The following MEAK7 variants were observed in gnomAD, a reference collection of about 807,000 sequenced individuals.
The protein encoded by MEAK7 is MTOR-associated protein MEAK7.
In MEAK7, 68 loss-of-function variants were observed where a neutral mutation model predicts 40.5. That is an observed-to-expected ratio of 1.68 (90% CI 1.38 to 2.06). MEAK7 has a LOEUF of 2.06. MEAK7 is among the 30% of genes most tolerant of loss of function. The pLI, the probability that MEAK7 is intolerant of heterozygous loss-of-function variation, is 0.00. For missense variants in MEAK7, 918 were observed against 580.5 expected (o/e 1.58, Z -5.98); for synonymous variants, 338 against 231.9 (o/e 1.46, Z -4.16).
intron 3 of MEAK7, among the ~76,000 whole-genome samples, chr16:84,489,871 A>G (rs1477209936): frequency 2.0e-5 from 3 of 152,176 alleles, no homozygotes; most frequent in African/African-American, 7.2e-5. Context: ...GAGGGCAAGC[A>G]ACTGCTTTCT....
At chr16:84,497,756 G>C (rs926831584) in intron 2 of MEAK7, 178 bp downstream of exon 2, 2 of 1,309,766 alleles carry the variant, frequency 1.5e-6, no homozygotes, top group East Asian at 5.0e-5. Flanking sequence ...AGCTACAACA[G>C]AGACCGCATA....
chr16:84,495,529 C>CT, intron 3 of MEAK7, 154 bp downstream of exon 3: 1 of 706,742 alleles, frequency 1.4e-6, no homozygotes, highest in Non-Finnish European at 2.4e-6. Context: ...CAGACATGCC[C>CT]TTAACCTTGG....
At chr16:84,498,144 T>C (rs1232280176) in intron 1 of MEAK7, 33 bp from the exon 2 acceptor site, 1 of 1,529,484 alleles carries the variant, frequency 6.5e-7, no homozygotes, top group East Asian at 2.3e-5. Context: ...ATTAGAAAAA[T>C]CAAAATTTAA....
rs541981214 is a variant in MEAK7 at position 84,479,368 on chromosome 16, G to C, written c.*545C>G. ...AGCGGGAGGAACCCCCTCCTCAATA[G>C]AGAAGTTGAGATCCCAGCAATGCTA... On this transcript the variant is annotated 3_prime_UTR_variant, in exon 8 of 8. Transcript: ENST00000343629. The C allele has an allele frequency of 2.6e-5, 4 of 152,214 alleles. No individual in the cohort carries two copies. The highest frequency in any genetic ancestry group is 7.2e-5 in the African/African-American group (3 of 41,434). The allele number at this position is 152,214 out of a possible 1,614,324, so 9.4% of individuals were successfully genotyped here. A position where few individuals can be genotyped will look rare whatever the true frequency, so the allele number is the denominator to read the frequency against.
At chr16:84,502,703 T>C (rs1207127159) in intron 1 of MEAK7, 3 of 152,208 alleles carry the variant, frequency 2.0e-5, no homozygotes, top group Non-Finnish European at 4.4e-5. Flanking sequence ...AGACTTCGTC[T>C]CTGCCAAAAA....
chr16:84,485,412 G>C (rs745957066), intron 5 of MEAK7, among the ~76,000 whole-genome samples: 37 of 152,200 alleles, frequency 2.4e-4, no homozygotes, highest in Non-Finnish European at 4.3e-4. Flanking sequence ...ATGCCACCTA[G>C]CCTCTGCTGA....
chr16:84,482,107 C>G (rs1001261596), intron 6 of MEAK7, among the ~76,000 whole-genome samples: 1 of 152,120 alleles, frequency 6.6e-6, no homozygotes. Flanking sequence ...GCCTCCCCCG[C>G]TTCCCCCTGC....
chr16:84,497,343 G>A, intron 2 of MEAK7: 2 of 1,160,426 alleles, frequency 1.7e-6, no homozygotes, highest in African/African-American at 1.6e-5. Context: ...TTAACTCCCT[G>A]CAAGATGAGC....
At chr16:84,484,074 T>G (rs1037447508) in intron 5 of MEAK7, among the ~76,000 whole-genome samples, 10 of 152,272 alleles carry the variant, frequency 6.6e-5, no homozygotes, top group African/African-American at 2.4e-4. Flanking sequence ...GGACTTCAGG[T>G]AAGCGGCCCT....
intron 5 of MEAK7, among the ~76,000 whole-genome samples, chr16:84,484,663 C>T (rs1391581215): frequency 6.6e-6 from 1 of 152,224 alleles, no homozygotes; most frequent in African/African-American, 2.4e-5. Flanking sequence ...TGGCCACCCT[C>T]CCCAGCATTT....
rs3743667 is a variant in MEAK7 at position 84,486,686 on chromosome 16, C to T, written c.903G>A (p.Lys301=). ...AAGAGGCAAACCCACCGAACACATGCTTGTCATGGTCCTCGAGGACAGCCA... is the reference window on the plus strand; with the variant it reads ...AAGAGGCAAACCCACCGAACACATGTTTGTCATGGTCCTCGAGGACAGCCA... ...PCVAVLEDHD[K]HVFGGFASCS... is the part of the protein sequence containing the mutation. Residue 301 remains lysine, a synonymous_variant, in exon 5 of 8, where the codon AAG becomes AAA. Transcript: ENST00000343629. The T allele has an allele frequency of 0.062, 99,613 of 1,613,914 alleles. 6,752 individuals are homozygous for T. The highest frequency in any genetic ancestry group is 0.35 in the East Asian group (15,824 of 44,858).
chr16:84,497,848 A>C lies in MEAK7; in HGVS notation c.153+86T>G, dbSNP rs975381073. 52 of 1,579,590 alleles carry C rather than the reference A, an allele frequency of 3.3e-5. No individual in the cohort carries two copies. The African/African-American group carries it at 6.1e-4, about 19-fold the overall frequency. ...GTGTTGCCATCCATCCCATTACAAA[A>C]ACACGAAAGCAGATTCTGGCCTGAA... On this transcript the variant is annotated intron_variant, in intron 2 of 7. Transcript: ENST00000343629.
At chr16:84,502,044 T>A (rs1390918874) in intron 1 of MEAK7, among the ~76,000 whole-genome samples, 1 of 152,156 alleles carries the variant, frequency 6.6e-6, no homozygotes, top group East Asian at 1.9e-4. Context: ...CTTGAGAGGC[T>A]GAGGCAGGAG....
chr16:84,491,621 G>T (rs1274237680), intron 3 of MEAK7, among the ~76,000 whole-genome samples: 1 of 150,524 alleles, frequency 6.6e-6, no homozygotes, highest in South Asian at 2.1e-4. Context: ...GGTGGATCAC[G>T]AGGTCAGGAG....
chr16:84,494,326 G>T (rs1030001235), intron 3 of MEAK7, among the ~76,000 whole-genome samples: 1 of 152,146 alleles, frequency 6.6e-6, no homozygotes, highest in Non-Finnish European at 1.5e-5. Flanking sequence ...TTCTAGCTTT[G>T]ACCAGTGTCA....
intron 1 of MEAK7, among the ~76,000 whole-genome samples, chr16:84,498,431 G>C (rs951872783): frequency 1.7e-4 from 26 of 149,154 alleles, no homozygotes; most frequent in Non-Finnish European, 3.7e-4. Context: ...AGGATGCCTG[G>C]CTAATTTTTT....
At chr16:84,491,522 G>C (rs900319921) in intron 3 of MEAK7, among the ~76,000 whole-genome samples, 2 of 130,198 alleles carry the variant, frequency 1.5e-5, no homozygotes, top group Non-Finnish European at 3.2e-5. Context: ...CTGGGCAACG[G>C]AGCGAGACCC....
In MEAK7 at chr16:84,476,542, G is replaced by A. The variant is rs547938619; in HGVS notation, c.*3371C>T. 2 of 152,128 alleles carry A rather than the reference G, an allele frequency of 1.3e-5. No homozygotes were observed. Among genetic ancestry groups the A allele is most frequent in the South Asian group, 4.1e-4 (2 of 4,820 alleles). 9.4% of individuals were successfully genotyped at this position (152,128 alleles called of 1,614,324 possible). The stretch of plus-strand genomic sequence containing the variant: ...TATCCCACAGACACCATCACAGCAA[G>A]GCACACATAAACGATATTCATGACA... On this transcript the variant is annotated 3_prime_UTR_variant, in exon 8 of 8. Transcript: ENST00000343629.
intron 1 of MEAK7, among the ~76,000 whole-genome samples, chr16:84,502,393 C>G (rs1352563058): frequency 2.0e-5 from 3 of 152,088 alleles, no homozygotes; most frequent in Non-Finnish European, 4.4e-5. Flanking sequence ...CCGTCCCAGA[C>G]ATCGGTAGGG....
Sources: allele counts gnomAD v4.1 joint callset (sites outside exome capture counted in the v4.1 genomes callset), GRCh38; gene constraint gnomAD v4.1.1; transcripts MANE v1.5; gene names NCBI Gene and HGNC (gene_info 2026-07-23, HGNC 2026-07-21).